Variants in LILRB5 observed in about 807,000 individuals in gnomAD.
LILRB5 encodes leukocyte immunoglobulin-like receptor subfamily B member 5.
Under a neutral mutation model 68.4 loss-of-function variants are expected in LILRB5, and 61 were observed. The ratio of observed to expected loss-of-function variants is 0.89; its 90% CI spans 0.73 to 1.10. The LOEUF is 1.10. Among genes scored for constraint, LILRB5 ranks in the 50% least tolerant of loss-of-function variants. The pLI is 0.00. For missense variants in LILRB5, 771 were observed against 751.6 expected, an observed-to-expected ratio of 1.03 and a Z score of -0.30; for synonymous variants, 356 against 315.8, an observed-to-expected ratio of 1.13 and a Z score of -1.35.
Position 54,256,163 on chromosome 19 carries a change from G to T in LILRB5, c.535C>A (p.Leu179Met), listed in dbSNP as rs1220480803. Residue 179 changes from leucine to methionine, a missense_variant, in exon 4 of 13, where the codon CTG (leucine) becomes ATG (methionine). Coordinates refer to ENST00000449561, the MANE Select transcript of LILRB5 (RefSeq NM_001081442.3). ...GGGGTCACGGGACCCACAGGGAACAGGGCCTGGGATGGCCCTTTGGGGAGC... is the reference window on the plus strand; with the variant it reads ...GGGGTCACGGGACCCACAGGGAACATGGCCTGGGATGGCCCTTTGGGGAGC... ...QKLPKGPSQALFPVGPVTPSC... is the reference protein window; with the variant it reads ...QKLPKGPSQAMFPVGPVTPSC... The T allele has an allele frequency of 1.2e-6, 2 of 1,613,772 alleles. No homozygotes were observed. Among genetic ancestry groups the T allele is most frequent in the Non-Finnish European group, 1.7e-6 (2 of 1,179,882 alleles).
chr19:54,255,084 G>C lies in LILRB5; in HGVS notation c.953-47C>G, dbSNP rs761085671. The C allele has an allele frequency of 1.9e-6, 3 of 1,552,228 alleles. No homozygotes were observed. In the South Asian group the frequency reaches 3.7e-5, roughly 19 times the overall value. ...GAGGGGCTGCCCCACCTTGCTCTGA[G>C]CTGAGACCTCCCCAGGCCTCTCTAG... On this transcript the variant is annotated intron_variant, in intron 5 of 12. Transcript: ENST00000449561.
At chr19:54,256,381 C>T (rs780082847) in intron 3 of LILRB5, 39 bp from the exon 4 acceptor site, 1 of 1,586,784 alleles carries the variant, frequency 6.3e-7, no homozygotes, top group Non-Finnish European at 8.6e-7. Context: ...GGGGCTCCGA[C>T]CTCCCACATC....
Position 54,254,943 on chromosome 19 carries a change from C to G in LILRB5, c.1047G>C (p.Gln349His). The change falls in exon 6 of 13, where the codon CAG (glutamine) becomes CAC (histidine). Residue 349 changes from glutamine to histidine, a missense_variant. By Grantham distance (24) the Gln-to-His change is conservative (BLOSUM62 0). Transcript: ENST00000449561. Reference sequence around the variant, plus strand: ...CCTTGGTCAAAAAGAAAGTGTCTATCTGATGCCATGACTGACACAGCAGGG... The same window carrying G: ...CCTTGGTCAAAAAGAAAGTGTCTATGTGATGCCATGACTGACACAGCAGGG... ...NVTLLCQSWH[Q>H]IDTFFLTKEG... The G allele has an allele frequency of 6.2e-7, 1 of 1,614,030 alleles. No homozygotes were observed. The highest frequency in any genetic ancestry group is 8.5e-7 in the Non-Finnish European group (1 of 1,179,960).
At chr19:54,256,906 G>A in intron 2 of LILRB5, 55 bp downstream of exon 2, 2 of 1,613,556 alleles carry the variant, frequency 1.2e-6, no homozygotes, top group Non-Finnish European at 1.7e-6. Flanking sequence ...GCCCGGGGTT[G>A]GGCCCTTGTC....
intron 9 of LILRB5, 81 bp from the exon 10 acceptor site, chr19:54,252,630 G>A: frequency 6.6e-7 from 1 of 1,506,446 alleles, no homozygotes; most frequent in South Asian, 1.1e-5. Context: ...CGGAAAGAAG[G>A]AAACCTGGAG....
At position 54,255,011 on chromosome 19, in the gene LILRB5, A is replaced by G. The variant is rs889589278; in HGVS notation, c.979T>C (p.Ser327Pro). ...AGLIPDIPALSVQPGPKVASG... is the reference protein window; with the variant it reads ...AGLIPDIPALPVQPGPKVASG... ...GCCACCTTGGGGCCCGGCTGCACCG[A>G]GAGGGCGGGTATGTCAGGGATCAGT... The change falls in exon 6 of 13, where the codon TCG becomes CCG. Residue 327 changes from serine (S) to proline (P), a missense_variant. Ser to Pro is a moderately conservative substitution (Grantham distance 74). Coordinates refer to ENST00000449561, the MANE Select transcript of LILRB5 (RefSeq NM_001081442.3). 1 of 1,611,130 alleles carries G rather than the reference A, an allele frequency of 6.2e-7. No individual in the cohort carries two copies. The highest frequency in any genetic ancestry group is 1.3e-5 in the African/African-American group (1 of 74,758).
rs755340376 is a variant in LILRB5, at chr19:54,255,653, G to T, written c.656-71C>A. 4 of 1,491,196 alleles carry T rather than the reference G, an allele frequency of 2.7e-6. No homozygotes were observed. In the South Asian group the frequency reaches 4.0e-5, roughly 15 times the overall value. The allele number at this position is 1,491,196 out of a possible 1,614,324, so 92.4% of individuals were successfully genotyped here. ...CGCCCCTTCCTTCTCCCGTCCTGGC[G>T]TCCTGGCCCTGCAGGTCTCACTGTC... On this transcript the variant is annotated intron_variant, in intron 4 of 12. Coordinates refer to ENST00000449561, the MANE Select transcript of LILRB5 (RefSeq NM_001081442.3).
At position 54,257,183 on chromosome 19, in the gene LILRB5, G is replaced by C; in HGVS notation, c.11C>G (p.Thr4Ser). The C allele has an allele frequency of 6.2e-7, 1 of 1,614,240 alleles. No homozygotes were observed. The highest frequency in any genetic ancestry group is 8.5e-7 in the Non-Finnish European group (1 of 1,180,032). MTL[T>S]LSVLICLGLS... is the part of the protein sequence containing the mutation. ...ACCGAGGCAAATCAGGACTGAGAGGGTGAGGGTCATGGCGTCAGCTCCCAC... is the reference window on the plus strand; with the variant it reads ...ACCGAGGCAAATCAGGACTGAGAGGCTGAGGGTCATGGCGTCAGCTCCCAC... The change falls in exon 1 of 13, where the codon ACC becomes AGC. Residue 4 changes from threonine to serine, a missense_variant. Thr to Ser is a moderately conservative substitution (Grantham distance 58). Coordinates refer to ENST00000449561, the MANE Select transcript of LILRB5 (RefSeq NM_001081442.3).
In LILRB5 at chr19:54,255,488, A is replaced by G. The variant is rs2079105488; in HGVS notation, c.750T>C (p.Tyr250=). ...CCTCCTTGTACAGAACGAATATGTC[A>G]TAGCCGACATCAGAGCGACACTGCA... ...LTLQCRSDVG[Y]DIFVLYKEGE... Residue 250 remains tyrosine, a synonymous_variant, in exon 5 of 13, where the codon TAT becomes TAC. Transcript: ENST00000449561. 6.2e-7 allele frequency: 1 copy of G among 1,613,758 alleles called. No homozygotes were observed. Among genetic ancestry groups the G allele is most frequent in the African/African-American group, 1.3e-5 (1 of 74,904 alleles).
chr19:54,253,441 C>T lies in LILRB5; in HGVS notation c.1358-454G>A, dbSNP rs2147626041. 7 of 215,914 alleles carry T rather than the reference C, an allele frequency of 3.2e-5. No homozygotes were observed. In the South Asian group the frequency reaches 4.6e-4, roughly 14 times the overall value. 13.4% of individuals were successfully genotyped at this position (215,914 alleles called of 1,614,324 possible). A position where few individuals can be genotyped will look rare whatever the true frequency, so the allele number is the denominator to read the frequency against. Reference sequence around the variant, plus strand: ...CAGCCAGGTCCGTTTCCCACTCTGCCAAGTTCCCATACTCCCATGCAGAAC... The same window carrying T: ...CAGCCAGGTCCGTTTCCCACTCTGCTAAGTTCCCATACTCCCATGCAGAAC... On this transcript the variant is annotated intron_variant, in intron 8 of 12. Coordinates refer to ENST00000449561, the MANE Select transcript of LILRB5 (RefSeq NM_001081442.3).
rs1229808317 is a variant in LILRB5 at position 54,255,496 on chromosome 19, C to A, written c.742G>T (p.Val248Phe). 1 of 1,614,072 alleles carries A rather than the reference C, an allele frequency of 6.2e-7. No individual in the cohort carries two copies. The highest frequency in any genetic ancestry group is 2.2e-5 in the East Asian group (1 of 44,864). Reference protein sequence around the residue: ...GSLTLQCRSDVGYDIFVLYKE... With the variant: ...GSLTLQCRSDFGYDIFVLYKE... Reference sequence around the variant, plus strand: ...TACAGAACGAATATGTCATAGCCGACATCAGAGCGACACTGCAGGGTCAGG... The same window carrying A: ...TACAGAACGAATATGTCATAGCCGAAATCAGAGCGACACTGCAGGGTCAGG... The change falls in exon 5 of 13, where the codon GTC (valine) becomes TTC (phenylalanine). Residue 248 changes from valine (V) to phenylalanine (F), a missense_variant. Val to Phe is a conservative substitution (Grantham distance 50). Transcript: ENST00000449561.
At chr19:54,255,250 G>A (rs200458160) in intron 5 of LILRB5, 36 bp downstream of exon 5, 234 of 1,606,150 alleles carry the variant, frequency 1.5e-4, no homozygotes, top group Non-Finnish European at 1.8e-4. Flanking sequence ...CCTGTGCAGA[G>A]CCTGGGTCCC....
Position 54,255,439 on chromosome 19 carries a change from A to G in LILRB5, c.799T>C (p.Ser267Pro), listed in dbSNP as rs746044279. The G allele has an allele frequency of 2.5e-5, 40 of 1,613,958 alleles. No homozygotes were observed. The highest frequency in any genetic ancestry group is 3.1e-5 in the Non-Finnish European group (37 of 1,179,994). Residue 267 changes from serine to proline, a missense_variant, in exon 5 of 13, where the codon TCT becomes CCT. Physicochemically the swap from Ser to Pro is moderately conservative, Grantham distance 74. Transcript: ENST00000449561. ...KEGEHDLVQGSGQQPQAGLSQ... is the reference protein window; with the variant it reads ...KEGEHDLVQGPGQQPQAGLSQ... ...AGCCCAGCCTGGGGCTGCTGGCCAG[A>G]GCCCTGGACGAGGTCATGTTCCCCC...
intron 8 of LILRB5, chr19:54,253,555 T>A: frequency 2.6e-6 from 1 of 381,316 alleles, no homozygotes; most frequent in South Asian, 3.0e-5. Context: ...CAGGGCCAGG[T>A]CCCATGATTT....
chr19:54,253,041 C>G (rs987031019), intron 8 of LILRB5, 54 bp from the exon 9 acceptor site: 20 of 1,271,280 alleles, frequency 1.6e-5, no homozygotes, highest in Non-Finnish European at 2.2e-5. Context: ...TGAGCACCTT[C>G]TGTGTGCAGG....
chr19:54,250,681 T>A lies in LILRB5; in HGVS notation c.*105A>T. On this transcript the variant is annotated 3_prime_UTR_variant, in exon 13 of 13. Coordinates refer to ENST00000449561, the MANE Select transcript of LILRB5 (RefSeq NM_001081442.3). ...ATGTCCTGGTGGTCTTTGTTAGGGG[T>A]CCAGGCTGGCTGGGGTTCATTGGTG... is the stretch of plus-strand genomic sequence containing the variant. 6.9e-7 allele frequency: 1 copy of A among 1,449,232 alleles called. No homozygotes were observed. Among genetic ancestry groups the A allele is most frequent in the African/African-American group, 1.4e-5 (1 of 70,844 alleles). The allele number at this position is 1,449,232 out of a possible 1,614,324, so 89.8% of individuals were successfully genotyped here.
At chr19:54,251,827 C>A (rs549696278) in intron 12 of LILRB5, 24 of 718,436 alleles carry the variant, frequency 3.3e-5, no homozygotes, top group Non-Finnish European at 6.2e-5. Flanking sequence ...AACAACCAGA[C>A]GGCCAAACAG....
In LILRB5 at chr19:54,252,550, C is replaced by CTGGACAGAGA; in HGVS notation, c.1475-11_1475-2dup. ...GCCCCTGCAGGACGGTAGAAATGGG[C>CTGGACAGAGA]TGGACAGAGATGGACAGAGGGTCAG... On this transcript the variant is annotated splice_acceptor_variant, in intron 9 of 12. Transcript: ENST00000449561. LOFTEE classifies it high-confidence loss of function. 6.2e-7 allele frequency: 1 copy of CTGGACAGAGA among 1,613,786 alleles called. No individual in the cohort carries two copies. Among genetic ancestry groups the CTGGACAGAGA allele is most frequent in the Non-Finnish European group, 8.5e-7 (1 of 1,179,942 alleles).
In LILRB5 at chr19:54,252,439, G is replaced by A. The variant is rs415860; in HGVS notation, c.1539-36C>T. 375 of 1,614,104 alleles carry A rather than the reference G, an allele frequency of 2.3e-4. 5 individuals carry two copies. The East Asian group carries it at 5.3e-3, about 23-fold the overall frequency. Reference sequence around the variant, plus strand: ...ACACGGGAGTGTGAGGGGCAGTGAGGGGGCTGTGCGGGTGGATGGGAGTCT... The same window carrying A: ...ACACGGGAGTGTGAGGGGCAGTGAGAGGGCTGTGCGGGTGGATGGGAGTCT... On this transcript the variant is annotated intron_variant, in intron 10 of 12. Transcript: ENST00000449561.
Sources: allele counts gnomAD v4.1 joint callset, GRCh38; gene constraint gnomAD v4.1.1; transcripts MANE v1.5; gene names NCBI Gene and HGNC (gene_info 2026-07-23, HGNC 2026-07-21).